Variants in CSRNP1 observed in about 807,000 individuals in gnomAD.
CSRNP1 encodes cysteine and serine rich nuclear protein 1.
In CSRNP1, 8 loss-of-function variants were observed where a neutral mutation model predicts 25.0. The ratio of observed to expected loss-of-function variants is 0.32; its 90% CI spans 0.19 to 0.58. CSRNP1 has a LOEUF of 0.58. Among genes scored for constraint, CSRNP1 ranks in the 20% least tolerant of loss-of-function variants. CSRNP1 has a pLI of 0.88. For missense variants in CSRNP1, 691 were observed against 773.1 expected, an observed-to-expected ratio of 0.89 and a Z score of 1.26; for synonymous variants, 305 against 303.1, an observed-to-expected ratio of 1.01 and a Z score of -0.06.
At chr3:39,147,253 G>A (rs1444303886) in intron 1 of CSRNP1, among the ~76,000 whole-genome samples, 1 of 151,276 alleles carries the variant, frequency 6.6e-6, no homozygotes, top group East Asian at 2.0e-4. Context: ...GTGTGTGTAC[G>A]CCCTACAGCC....
chr3:39,144,598 A>G, intron 3 of CSRNP1, 147 bp from the exon 4 acceptor site: 1 of 778,124 alleles, frequency 1.3e-6, no homozygotes, highest in East Asian at 2.7e-5. Context: ...GACAGTGAAC[A>G]GGACAGCCAA....
chr3:39,147,379 G>A (rs772042765), intron 1 of CSRNP1, among the ~76,000 whole-genome samples: 11 of 152,158 alleles, frequency 7.2e-5, no homozygotes, highest in Non-Finnish European at 1.5e-4. Flanking sequence ...CTTGCTCCAG[G>A]CTAGCCAGGC....
In CSRNP1 at chr3:39,153,505, C is replaced by G; in HGVS notation, c.-108G>C. 1 of 277,200 alleles carries G rather than the reference C, an allele frequency of 3.6e-6. No homozygotes were observed. The highest frequency in any genetic ancestry group is 7.6e-6 in the Non-Finnish European group (1 of 131,074). The allele number at this position is 277,200 out of a possible 1,614,324, so 17.2% of individuals were successfully genotyped here. ...TCCCGGCCGGGGACGCCCCCTGCGC[C>G]GCGACTCTGTGCGCTCGGCCCGGCA... On this transcript the variant is annotated 5_prime_UTR_variant, in exon 1 of 5. Transcript: ENST00000273153.
chr3:39,154,225 G>A, upstream of CSRNP1: 1 of 152,162 alleles, frequency 6.6e-6, no homozygotes, highest in East Asian at 1.9e-4. Flanking sequence ...CGGGCCAAGA[G>A]ACCCTTCCCT....
rs1380059383 is a variant in CSRNP1 at position 39,144,267 on chromosome 3, C to T, written c.650G>A (p.Arg217Gln). Residue 217 changes from arginine to glutamine, a missense_variant, in exon 4 of 5, where the codon CGA becomes CAA. Physicochemically the swap from Arg to Gln is conservative, Grantham distance 43. Transcript: ENST00000273153. ...CCGCTTCTCCTCCCGATCGATCCTT[C>T]GCACACCTGAAGCCCTCAGCAGAGC... is the stretch of plus-strand genomic sequence containing the variant. ...RRALLRASGV[R>Q]RIDREEKREL... 8.1e-6 allele frequency: 13 copies of T among 1,614,036 alleles called. No homozygotes were observed. The highest frequency in any genetic ancestry group is 6.7e-5 in the East Asian group (3 of 44,874).
At chr3:39,154,388 T>A (rs1340704155), upstream of CSRNP1, 3 of 152,410 alleles carry the variant, frequency 2.0e-5, no homozygotes, top group East Asian at 5.8e-4. Flanking sequence ...AGGCCTTTCC[T>A]GACTCGGGGC....
chr3:39,144,936 C>T, intron 3 of CSRNP1, 61 bp downstream of exon 3: 1 of 1,535,718 alleles, frequency 6.5e-7, no homozygotes, highest in Non-Finnish European at 8.8e-7. Flanking sequence ...ACGCCCACCC[C>T]TCAAGGTTAG....
Position 39,143,923 on chromosome 3 carries a change from T to G in CSRNP1, c.902A>C (p.Gln301Pro), listed in dbSNP as rs184024059. 8.1e-6 allele frequency: 13 copies of G among 1,614,164 alleles called. No individual in the cohort carries two copies. The East Asian group carries it at 1.8e-4, about 22-fold the overall frequency. ...THFIHTLTRLQLEQEAESFRE... is the reference protein window; with the variant it reads ...THFIHTLTRLPLEQEAESFRE... ...AAAGCTCTCAGCCTCCTGTTCCAAC[T>G]GCAGGCGGGTGAGTGTGTGGATGAA... is the stretch of plus-strand genomic sequence containing the variant. Residue 301 changes from glutamine to proline, a missense_variant, in exon 5 of 5, where the codon CAG (glutamine) becomes CCG (proline). Transcript: ENST00000273153.
chr3:39,142,961 C>A lies in CSRNP1; in HGVS notation c.*94G>T. On this transcript the variant is annotated 3_prime_UTR_variant, in exon 5 of 5. Coordinates refer to ENST00000273153, the MANE Select transcript of CSRNP1 (RefSeq NM_033027.4). ...CACATGGCACCTGTGGGTGAGCCAG[C>A]CAGTGGGAGACTGTTACGCAGACTC... 1 of 1,413,252 alleles carries A rather than the reference C, an allele frequency of 7.1e-7. No homozygotes were observed. Among genetic ancestry groups the A allele is most frequent in the Non-Finnish European group, 9.6e-7 (1 of 1,044,596 alleles). 87.5% of individuals were successfully genotyped at this position (1,413,252 alleles called of 1,614,324 possible).
Position 39,146,487 on chromosome 3 carries a change from T to C in CSRNP1, c.196A>G (p.Ser66Gly). 6.5e-7 allele frequency: 1 copy of C among 1,543,860 alleles called. No individual in the cohort carries two copies. Among genetic ancestry groups the C allele is most frequent in the Non-Finnish European group, 8.8e-7 (1 of 1,142,694 alleles). ...GGGAGGGAGTACTCACGGGTGAAAC[T>C]TCTGGGGCCGCAGAAGTCACGGTCA... ...LPDRDFCGPR[S>G]FTPLSILKRA... The change falls in exon 2 of 5, where the codon AGT becomes GGT. Residue 66 changes from serine to glycine, a missense_variant. Transcript: ENST00000273153.
chr3:39,149,235 AG>A (rs1278037811), intron 1 of CSRNP1: 1 of 152,132 alleles, frequency 6.6e-6, no homozygotes, highest in African/African-American at 2.4e-5. Flanking sequence ...TCAAAAAAAA[AG>A]GCAGAACTAC....
rs1276963331 is a variant in CSRNP1, at chr3:39,142,258, A to G, written c.*797T>C. 6.6e-6 allele frequency: 1 copy of G among 152,312 alleles called. No homozygotes were observed. Among genetic ancestry groups the G allele is most frequent in the Non-Finnish European group, 1.5e-5 (1 of 68,094 alleles). The allele number at this position is 152,312 out of a possible 1,614,324, so 9.4% of individuals were successfully genotyped here. The stretch of plus-strand genomic sequence containing the variant: ...CCTCCTACATCCCTGGGCCTGGAAT[A>G]AAGGCTGTGGCCTTTGGGAAGGGGG... On this transcript the variant is annotated 3_prime_UTR_variant, in exon 5 of 5. Transcript: ENST00000273153.
chr3:39,143,351 T>G lies in CSRNP1; in HGVS notation c.1474A>C (p.Ser492Arg). Residue 492 changes from serine (S) to arginine (R), a missense_variant, in exon 5 of 5, where the codon AGT (serine) becomes CGT (arginine). Ser to Arg is a moderately radical substitution (Grantham distance 110). Transcript: ENST00000273153. ...GACAAGCTGAGATCCACTGAGCTAC[T>G]CCGGCCAGCGTCCATGCTGGGTGGC... is the stretch of plus-strand genomic sequence containing the variant. ...SVPPSMDAGR[S>R]SSVDLSLSSC... 1 of 1,614,190 alleles carries G rather than the reference T, an allele frequency of 6.2e-7. No homozygotes were observed. The highest frequency in any genetic ancestry group is 1.1e-5 in the South Asian group (1 of 91,082).
rs764432988 is a variant in CSRNP1 at position 39,143,062 on chromosome 3, G to C, written c.1763C>G (p.Pro588Arg). 1 of 1,572,346 alleles carries C rather than the reference G, an allele frequency of 6.4e-7. No individual in the cohort carries two copies. Among genetic ancestry groups the C allele is most frequent in the South Asian group, 1.2e-5 (1 of 85,894 alleles). ...TVPASLMEPV[P>R]V ...GAAAAGACATCCTGGTCCTCACACC[G>C]GCACAGGCTCCATTAGAGATGCTGG... Residue 588 changes from proline (P) to arginine (R), a missense_variant, in exon 5 of 5, where the codon CCG becomes CGG. Coordinates refer to ENST00000273153, the MANE Select transcript of CSRNP1 (RefSeq NM_033027.4).
intron 2 of CSRNP1, among the ~76,000 whole-genome samples, chr3:39,145,610 A>T (rs1259867903): frequency 3.9e-5 from 6 of 152,250 alleles, no homozygotes; most frequent in Admixed American, 2.6e-4. Context: ...CAGGCTTAAA[A>T]AGGCTTTCCC....
intron 1 of CSRNP1, among the ~76,000 whole-genome samples, chr3:39,147,235 GTA>G (rs145442435): frequency 0.36 from 53,704 of 148,584 alleles, 10,284 homozygotes; most frequent in East Asian, 0.56. Flanking sequence ...GTGTGTGTGT[GTA>G]TGTGTGTGTG....
In CSRNP1 at chr3:39,146,621, G is replaced by T; in HGVS notation, c.62C>A (p.Ser21Tyr). Residue 21 changes from serine (S) to tyrosine (Y), a missense_variant, in exon 2 of 5, where the codon TCC becomes TAC. By Grantham distance (144) the Ser-to-Tyr change is moderately radical (BLOSUM62 -2). Coordinates refer to ENST00000273153, the MANE Select transcript of CSRNP1 (RefSeq NM_033027.4). Reference protein sequence around the residue: ...QLDEDNSSVSSSSSSSGCQSR... With the variant: ...QLDEDNSSVSYSSSSSGCQSR... ...CTGGCACCCAGAGGAAGAGGAGGAG[G>T]AGGAGACCGAGGAGTTGTCCTCATC... 1 of 1,571,928 alleles carries T rather than the reference G, an allele frequency of 6.4e-7. No homozygotes were observed. The highest frequency in any genetic ancestry group is 8.6e-7 in the Non-Finnish European group (1 of 1,158,276).
chr3:39,152,023 C>A, intron 1 of CSRNP1: 1 of 152,492 alleles, frequency 6.6e-6, no homozygotes. Context: ...CTGTGGCAGG[C>A]ACTCGCGCAT....
intron 1 of CSRNP1, chr3:39,153,012 G>C (rs958319631): frequency 2.0e-4 from 31 of 152,214 alleles, no homozygotes; most frequent in African/African-American, 6.8e-4. Flanking sequence ...CCTCCCCGAG[G>C]GGGGAGCCCG....
Sources: gnomAD v4.1 joint callset for allele counts (sites outside exome capture counted in the v4.1 genomes callset) on GRCh38, gnomAD v4.1.1 for gene constraint, MANE v1.5 for transcripts, NCBI Gene and HGNC (gene_info 2026-07-23, HGNC 2026-07-21) for gene names.